The following PPARGC1B variants were observed in gnomAD, a reference collection of about 807,000 sequenced individuals.
The protein encoded by PPARGC1B is PPARG coactivator 1 beta.
In PPARGC1B, 34 loss-of-function variants were observed where a neutral mutation model predicts 101.6. The ratio of observed to expected loss-of-function variants is 0.33; its 90% CI spans 0.25 to 0.45. The LOEUF (loss-of-function observed/expected upper bound fraction) is 0.45, where lower values mean the gene tolerates loss of function less well. PPARGC1B is among the 20% of genes least tolerant of loss of function. PPARGC1B has a pLI of 1.00. For synonymous variants in PPARGC1B, 548 were observed against 539.3 expected (o/e 1.02, Z -0.22); for missense variants, 1,234 against 1,317.6 (o/e 0.94, Z 0.98).
In PPARGC1B at chr5:149,838,509, G is replaced by C. The variant is rs567619904; in HGVS notation, c.2618+1436G>C. On this transcript the variant is annotated intron_variant, in intron 8 of 11. Transcript: ENST00000309241. ...GGTTTGGCTTCAGCCTTGCTTTGCT[G>C]TGAGCTAAAGCACTCCATCTCCACA... Among the ~76,000 whole-genome samples, 113 of 152,318 alleles carry C rather than the reference G, an allele frequency of 7.4e-4. 1 individual carries two copies. Among genetic ancestry groups the C allele is most frequent in the African/African-American group, 2.5e-3 (104 of 41,572 alleles).
intron 1 of PPARGC1B, among the ~76,000 whole-genome samples, chr5:149,805,096 C>T (rs1470979698): frequency 6.6e-6 from 1 of 152,172 alleles, no homozygotes. Context: ...GTTGCCTGGG[C>T]TTCTGGAACC....
At chr5:149,738,088 AATAG>A (rs1485971225) in intron 1 of PPARGC1B, among the ~76,000 whole-genome samples, 1 of 152,250 alleles carries the variant, frequency 6.6e-6, no homozygotes, top group Admixed American at 6.5e-5. Flanking sequence ...AGCACCAAAT[AATAG>A]ATATATCTCT....
chr5:149,762,321 A>G (rs935363370), intron 1 of PPARGC1B, among the ~76,000 whole-genome samples: 1 of 151,874 alleles, frequency 6.6e-6, no homozygotes, highest in Non-Finnish European at 1.5e-5. Flanking sequence ...AGTTTTTTGT[A>G]TTTTTAGTAG....
In PPARGC1B at chr5:149,730,526, CTG is replaced by C. The variant is rs1386924300; in HGVS notation, c.78+107_78+108del. The C allele has an allele frequency of 1.0e-5, 9 of 879,566 alleles. No homozygotes were observed. In the Admixed American group the frequency reaches 1.4e-4, roughly 13 times the overall value. The allele number at this position is 879,566 out of a possible 1,614,324, so 54.5% of individuals were successfully genotyped here. A position where few individuals can be genotyped will look rare whatever the true frequency, so the allele number is the denominator to read the frequency against. ...GGCAGCGGTGGGAGCCCTGGGGTAACTGGGGGTTCCAGGCTGCAGAGCCCCCC... is the reference window on the plus strand; with the variant it reads ...GGCAGCGGTGGGAGCCCTGGGGTAACGGGGTTCCAGGCTGCAGAGCCCCCC... On this transcript the variant is annotated intron_variant, in intron 1 of 11. Coordinates refer to ENST00000309241, the MANE Select transcript of PPARGC1B (RefSeq NM_133263.4). The surrounding 1 kb of genome is among the most constrained non-coding windows in gnomAD (Gnocchi z 4.0).
chr5:149,808,501 G>A (rs975754196), intron 1 of PPARGC1B, among the ~76,000 whole-genome samples: 1 of 152,138 alleles, frequency 6.6e-6, no homozygotes, highest in African/African-American at 2.4e-5. Context: ...GATGTCAGGT[G>A]GTTTGTGTGA....
intron 1 of PPARGC1B, among the ~76,000 whole-genome samples, chr5:149,783,971 C>T (rs1015741415): frequency 6.6e-6 from 1 of 152,132 alleles, no homozygotes; most frequent in Admixed American, 6.5e-5. Flanking sequence ...CGTGTACATA[C>T]ATGCCTGCCC....
At chr5:149,805,810 T>C (rs1757578230) in intron 1 of PPARGC1B, among the ~76,000 whole-genome samples, 1 of 152,276 alleles carries the variant, frequency 6.6e-6, no homozygotes, top group South Asian at 2.1e-4. Flanking sequence ...TGCCACTATA[T>C]GACTTTTGGT....
chr5:149,837,469 A>T lies in PPARGC1B; in HGVS notation c.2618+396A>T, dbSNP rs1759151383. ...TGCCCCAACAGTTTGAATTCTAGGG[A>T]TGTTTATAAGTAAAAGAAAGATTAG... On this transcript the variant is annotated intron_variant, in intron 8 of 11. Transcript: ENST00000309241. This position sits in a 1 kb window ranked among gnomAD's most constrained non-coding sequence, Gnocchi z 4.2. Among the ~76,000 whole-genome samples the T allele has an allele frequency of 6.6e-6, 1 of 152,216 alleles. No individual in the cohort carries two copies. Among genetic ancestry groups the T allele is most frequent in the Non-Finnish European group, 1.5e-5 (1 of 68,040 alleles).
intron 1 of PPARGC1B, among the ~76,000 whole-genome samples, chr5:149,777,784 A>AAC (rs4039101): frequency 0.061 from 5,518 of 90,948 alleles, 466 homozygotes; most frequent in African/African-American, 0.087. Flanking sequence ...CTGTCTTTGT[A>AAC]ACACACACAC....
At chr5:149,825,879 CT>C (rs1399294820) in intron 2 of PPARGC1B, among the ~76,000 whole-genome samples, 1 of 152,188 alleles carries the variant, frequency 6.6e-6, no homozygotes, top group Non-Finnish European at 1.5e-5. Context: ...AGTAGCAGCA[CT>C]AGCAGTGGTA....
chr5:149,817,913 A>T, intron 1 of PPARGC1B: 1 of 438,896 alleles, frequency 2.3e-6, no homozygotes, highest in Admixed American at 2.4e-5. Context: ...CAAGACTTGT[A>T]TGCAAGTATT....
At chr5:149,814,024 G>A (rs757045545) in intron 1 of PPARGC1B, among the ~76,000 whole-genome samples, 3 of 152,130 alleles carry the variant, frequency 2.0e-5, no homozygotes, top group Admixed American at 2.0e-4. Flanking sequence ...ATAAATTTGC[G>A]GGATCACAAA....
intron 1 of PPARGC1B, among the ~76,000 whole-genome samples, chr5:149,818,082 C>T (rs1190660198): frequency 6.6e-6 from 1 of 152,158 alleles, no homozygotes; most frequent in East Asian, 1.9e-4. Context: ...GCAGGGGCAG[C>T]CACTGAGTGC....
At chr5:149,772,275 G>A in intron 1 of PPARGC1B, 1 of 1,524,022 alleles carries the variant, frequency 6.6e-7, no homozygotes, top group Non-Finnish European at 8.9e-7. Context: ...GCGATGGTGG[G>A]TTAGGGTACG....
intron 4 of PPARGC1B, among the ~76,000 whole-genome samples, chr5:149,831,184 A>G (rs1758769292): frequency 6.6e-6 from 1 of 152,348 alleles, no homozygotes; most frequent in South Asian, 2.1e-4. Flanking sequence ...CAACAGTGTG[A>G]CAGACCAAAA....
At chr5:149,845,455 C>T (rs565857834) in intron 10 of PPARGC1B, among the ~76,000 whole-genome samples, 34 of 152,312 alleles carry the variant, frequency 2.2e-4, no homozygotes, top group African/African-American at 7.9e-4. Context: ...TACTGAACTC[C>T]GCAGAACCTC....
At chr5:149,741,104 A>T (rs1754888157) in intron 1 of PPARGC1B, among the ~76,000 whole-genome samples, 1 of 152,190 alleles carries the variant, frequency 6.6e-6, no homozygotes. Flanking sequence ...CTGGGAACTC[A>T]GCCGGGTGAG....
At chr5:149,752,960 T>A (rs1581013266) in intron 1 of PPARGC1B, among the ~76,000 whole-genome samples, 1 of 152,330 alleles carries the variant, frequency 6.6e-6, no homozygotes, top group East Asian at 1.9e-4. Flanking sequence ...CTCTACTAAT[T>A]TCTAATGTGT....
intron 1 of PPARGC1B, among the ~76,000 whole-genome samples, chr5:149,764,467 G>A (rs116124463): frequency 3.2e-3 from 488 of 152,340 alleles, no homozygotes; most frequent in Non-Finnish European, 4.0e-3. Flanking sequence ...TAGGGAGGAC[G>A]TGATCTTTGG....
Sources: gnomAD v4.1 joint callset for allele counts (sites outside exome capture counted in the v4.1 genomes callset) on GRCh38, gnomAD v4.1.1 for gene constraint, Gnocchi (gnomAD v3.1) non-coding constraint, MANE v1.5 for transcripts, NCBI Gene and HGNC (gene_info 2026-07-23, HGNC 2026-07-21) for gene names.